The following RGS7 variants were observed in gnomAD, a reference collection of about 807,000 sequenced individuals.
The protein encoded by RGS7 is regulator of G protein signaling 7, also known as regulator of G-protein signaling 7.
Under a neutral mutation model 81.1 loss-of-function variants are expected in RGS7, and 27 were observed. The observed-to-expected ratio is 0.33, with a 90% confidence interval of 0.25 to 0.46. The LOEUF is 0.46. Among genes scored for constraint, RGS7 ranks in the 20% least tolerant of loss-of-function variants. RGS7 has a pLI of 1.00. For synonymous variants in RGS7, 208 were observed against 207.7 expected, an observed-to-expected ratio of 1.00 and a Z score of -0.01; for missense variants, 396 against 607.4, an observed-to-expected ratio of 0.65 and a Z score of 3.66.
intron 2 of RGS7, among the ~76,000 whole-genome samples, chr1:241,243,799 C>T (rs2076382511): frequency 6.6e-6 from 1 of 152,158 alleles, no homozygotes; most frequent in Non-Finnish European, 1.5e-5. Flanking sequence ...ACCTGAAAAC[C>T]TAGTCATCCT....
intron 2 of RGS7, among the ~76,000 whole-genome samples, chr1:241,242,528 T>C (rs569825610): frequency 6.6e-6 from 1 of 152,336 alleles, no homozygotes; most frequent in South Asian, 2.1e-4. Context: ...GTAGTTCTAC[T>C]TTTAGTTCTT....
At chr1:241,068,257 T>TATAAAA (rs1433690559) in intron 3 of RGS7, among the ~76,000 whole-genome samples, 5 of 73,246 alleles carry the variant, frequency 6.8e-5, no homozygotes, top group African/African-American at 8.8e-5. Flanking sequence ...TATATATATA[T>TATAAAA]AAAATATTGT....
At chr1:241,253,752 C>T (rs941063658) in intron 2 of RGS7, among the ~76,000 whole-genome samples, 3 of 152,160 alleles carry the variant, frequency 2.0e-5, no homozygotes, top group African/African-American at 7.2e-5. Context: ...TTCTGATTTA[C>T]AGTCCCCTCC....
At chr1:240,861,006 T>C (rs1204448386) in intron 9 of RGS7, among the ~76,000 whole-genome samples, 1 of 152,126 alleles carries the variant, frequency 6.6e-6, no homozygotes, top group Non-Finnish European at 1.5e-5. Context: ...AGACTCAATA[T>C]TTTGCATTAA....
intron 10 of RGS7, among the ~76,000 whole-genome samples, chr1:240,820,959 TTCTC>T (rs1317983205): frequency 6.6e-6 from 1 of 152,188 alleles, no homozygotes; most frequent in Non-Finnish European, 1.5e-5. Context: ...GTGGTAGTAT[TTCTC>T]TTTCTTTCAC....
chr1:241,140,339 G>A (rs2067840427), intron 2 of RGS7, among the ~76,000 whole-genome samples: 1 of 152,166 alleles, frequency 6.6e-6, no homozygotes, highest in Admixed American at 6.5e-5. Flanking sequence ...GATGGTAAGG[G>A]CTGTTTTGGG....
At chr1:240,801,591 A>G (rs2103053039) in intron 16 of RGS7, 83 bp from the exon 17 acceptor site, 1 of 948,102 alleles carries the variant, frequency 1.1e-6, no homozygotes, top group East Asian at 2.5e-5. Context: ...ACAGAGCAGA[A>G]AAAGACAGGA....
intron 2 of RGS7, among the ~76,000 whole-genome samples, chr1:241,281,073 G>A (rs954020747): frequency 6.6e-6 from 1 of 151,996 alleles, no homozygotes; most frequent in African/African-American, 2.4e-5. Context: ...GAAAAAGTTA[G>A]GTATGCCATA....
At chr1:241,240,216 C>T (rs911787984) in intron 2 of RGS7, among the ~76,000 whole-genome samples, 1 of 152,138 alleles carries the variant, frequency 6.6e-6, no homozygotes, top group South Asian at 2.1e-4. Context: ...GCTGAGTCAT[C>T]TGATGGACAC....
chr1:240,899,310 A>G (rs1669596070), intron 6 of RGS7, among the ~76,000 whole-genome samples: 1 of 152,138 alleles, frequency 6.6e-6, no homozygotes, highest in Admixed American at 6.5e-5. Flanking sequence ...GTTATGTGTG[A>G]ATTTGATCCT....
At chr1:241,277,432 ACATGGTGAAAC>A (rs2078253573) in intron 2 of RGS7, among the ~76,000 whole-genome samples, 1 of 152,120 alleles carries the variant, frequency 6.6e-6, no homozygotes, top group African/African-American at 2.4e-5. Context: ...ATCCTGGCTA[ACATGGTGAAAC>A]CCTGTCTCTA....
chr1:241,162,115 T>C (rs79692050), intron 2 of RGS7, among the ~76,000 whole-genome samples: 3,133 of 152,008 alleles, frequency 0.021, 122 homozygotes, highest in East Asian at 0.16. Context: ...CACTAGGTAA[T>C]GGTCAGGAGG....
intron 9 of RGS7, among the ~76,000 whole-genome samples, chr1:240,836,500 T>C (rs552852182): frequency 6.6e-6 from 1 of 152,218 alleles, no homozygotes; most frequent in South Asian, 2.1e-4. Context: ...ATGGGTTTTG[T>C]CTGTGGGCAT....
At chr1:241,265,703 C>T (rs2077549903) in intron 2 of RGS7, among the ~76,000 whole-genome samples, 1 of 151,346 alleles carries the variant, frequency 6.6e-6, no homozygotes, top group Non-Finnish European at 1.5e-5. Flanking sequence ...AAAAACAGAA[C>T]TTTGATTACT....
In RGS7 at chr1:240,856,525, T is replaced by G. The variant is rs559718291; in HGVS notation, c.609+12062A>C. 2.0e-5 allele frequency among the ~76,000 whole-genome samples: 3 copies of G among 152,316 alleles called. No individual in the cohort carries two copies. In the South Asian group the frequency reaches 6.2e-4, roughly 32 times the overall value. On this transcript the variant is annotated intron_variant, in intron 9 of 18. Transcript: ENST00000440928. ...AAAGAAATGTACCACTTTACTTCTC[T>G]TATTCCTTTTTTTCTTGCCAAACTA...
At chr1:241,242,942 C>T (rs1243472852) in intron 2 of RGS7, among the ~76,000 whole-genome samples, 1 of 152,180 alleles carries the variant, frequency 6.6e-6, no homozygotes, top group African/African-American at 2.4e-5. Context: ...TCTGTTTATA[C>T]TGCTGATTAT....
intron 2 of RGS7, among the ~76,000 whole-genome samples, chr1:241,138,403 T>A (rs1179745113): frequency 6.6e-6 from 1 of 152,038 alleles, no homozygotes; most frequent in African/African-American, 2.4e-5. Context: ...AGGAACCAGC[T>A]GAACACAGCT....
intron 2 of RGS7, among the ~76,000 whole-genome samples, chr1:241,338,705 T>C (rs2082373590): frequency 6.7e-6 from 1 of 149,674 alleles, no homozygotes. Flanking sequence ...AGAGATAATA[T>C]ATAGTATATT....
chr1:241,168,288 A>G (rs1294761612), intron 2 of RGS7, among the ~76,000 whole-genome samples: 2 of 152,226 alleles, frequency 1.3e-5, no homozygotes, highest in African/African-American at 2.4e-5. Flanking sequence ...TTTTAGAGGT[A>G]ACATAGTATT....
Sources: allele counts gnomAD v4.1 joint callset (sites outside exome capture counted in the v4.1 genomes callset), GRCh38; gene constraint gnomAD v4.1.1; transcripts MANE v1.5; gene names NCBI Gene and HGNC (gene_info 2026-07-23, HGNC 2026-07-21).